The following TBCD variants were observed in gnomAD, a reference collection of about 807,000 sequenced individuals.
TBCD encodes the protein tubulin folding cofactor D, also known as tubulin-specific chaperone D.
A neutral mutation model predicts 169.3 loss-of-function variants in TBCD; 105 were observed. The ratio of observed to expected loss-of-function variants is 0.62; its 90% CI spans 0.53 to 0.73. The LOEUF (loss-of-function observed/expected upper bound fraction) is 0.73. TBCD is among the 30% of genes least tolerant of loss of function. The pLI is 0.00. For synonymous variants in TBCD, 700 were observed against 643.9 expected, an observed-to-expected ratio of 1.09 and a Z score of -1.32; for missense variants, 1,444 against 1,600.1, an observed-to-expected ratio of 0.90 and a Z score of 1.66.
chr17:82,863,339 C>T lies in TBCD; in HGVS notation c.1319-6885C>T, dbSNP rs1294061903. 3.3e-5 allele frequency among the ~76,000 whole-genome samples: 5 copies of T among 152,174 alleles called. No homozygotes were observed. In the East Asian group the frequency reaches 9.6e-4, roughly 29 times the overall value. ...CTTTAGGTGCTGTGGCTTCGCAGAC[C>T]CGGACGCAGCGTGGAGGCCAAGCGG... On this transcript the variant is annotated intron_variant, in intron 13 of 38. Transcript: ENST00000355528.
At chr17:82,872,897 TTCTGAGCCAGGCCCGGCACCTCGTGGCC>T in intron 14 of TBCD, among the ~76,000 whole-genome samples, 2 of 118,534 alleles carry the variant, frequency 1.7e-5, no homozygotes, top group Non-Finnish European at 3.6e-5. Flanking sequence ...GGCCGACGGC[TTCTGAGCCAGGCCCGGCACCTCGTGGCC>T]GACGGCTTCT....
rs1451766562 is a variant in TBCD at position 82,849,916 on chromosome 17, TTGTTGGCTGTTTTGC to T, written c.1319-20297_1319-20283del. ...GGCTGTGCTGTTGTTGGCTGTGCTG[TTGTTGGCTGTTTTGC>T]TGTTGGCTGTGCTGTTGTTGCCTGT... On this transcript the variant is annotated intron_variant, in intron 13 of 38. Transcript: ENST00000355528. 1.4e-3 allele frequency among the ~76,000 whole-genome samples: 200 copies of T among 146,114 alleles called. 1 individual carries two copies. Among genetic ancestry groups the T allele is most frequent in the African/African-American group, 4.9e-3 (192 of 39,020 alleles).
intron 37 of TBCD, among the ~76,000 whole-genome samples, chr17:82,940,130 C>T (rs952814581): frequency 2.6e-5 from 4 of 151,964 alleles, no homozygotes; most frequent in Admixed American, 6.5e-5. Flanking sequence ...CTGGGCCAAC[C>T]GGTATGTTCC....
At chr17:82,842,685 C>G (rs1018721382) in intron 13 of TBCD, among the ~76,000 whole-genome samples, 3 of 152,044 alleles carry the variant, frequency 2.0e-5, no homozygotes, top group Non-Finnish European at 4.4e-5. Context: ...TTTATCTACT[C>G]TTCAACCTCA....
At position 82,849,975 on chromosome 17, in the gene TBCD, GC is replaced by G. The variant is rs1567886732; in HGVS notation, c.1319-20248del. Among the ~76,000 whole-genome samples, 111 of 150,604 alleles carry G rather than the reference GC, an allele frequency of 7.4e-4. 8 individuals are homozygous for G. The highest frequency in any genetic ancestry group is 2.5e-3 in the African/African-American group (100 of 40,586). The stretch of plus-strand genomic sequence containing the variant: ...TGCCTGTGCTGCTGTTGGCTGTGCT[GC>G]TGTTGGCTGTGCTGCTGTTGGCTGT... On this transcript the variant is annotated intron_variant, in intron 13 of 38. Coordinates refer to ENST00000355528, the MANE Select transcript of TBCD (RefSeq NM_005993.5).
chr17:82,868,953 G>A (rs1043508682), intron 13 of TBCD, among the ~76,000 whole-genome samples: 43 of 150,814 alleles, frequency 2.9e-4, no homozygotes, highest in African/African-American at 7.3e-4. Context: ...TGCGTGGAGC[G>A]GGTCGTGTGC....
intron 6 of TBCD, among the ~76,000 whole-genome samples, chr17:82,776,400 C>A (rs2048601937): frequency 6.6e-6 from 1 of 152,060 alleles, no homozygotes; most frequent in African/African-American, 2.4e-5. Context: ...CAGAGCAAGA[C>A]CCTGTCTCAA....
chr17:82,810,212 T>A (rs1173556353), intron 12 of TBCD, among the ~76,000 whole-genome samples: 1 of 152,184 alleles, frequency 6.6e-6, no homozygotes, highest in East Asian at 1.9e-4. Flanking sequence ...AATGTGAGGC[T>A]TTGGGAGGCC....
chr17:82,768,240 C>T (rs1568104495), intron 4 of TBCD, among the ~76,000 whole-genome samples, 180 bp from the exon 5 acceptor site: 2 of 151,724 alleles, frequency 1.3e-5, no homozygotes, highest in Non-Finnish European at 1.5e-5. Flanking sequence ...GTGGGGATTC[C>T]GGGGGGGATG....
chr17:82,809,870 C>A, intron 12 of TBCD, 88 bp downstream of exon 12: 2 of 1,253,402 alleles, frequency 1.6e-6, no homozygotes, highest in African/African-American at 1.5e-5. Context: ...GCTTGCTTTT[C>A]ATTGAGCTGT....
At position 82,832,116 on chromosome 17, in the gene TBCD, T is replaced by G; in HGVS notation, c.1318+17182T>G. 3 of 1,614,192 alleles carry G rather than the reference T, an allele frequency of 1.9e-6. No homozygotes were observed. Among genetic ancestry groups the G allele is most frequent in the Non-Finnish European group, 2.5e-6 (3 of 1,180,022 alleles). On this transcript the variant is annotated intron_variant, in intron 13 of 38. Coordinates refer to ENST00000355528, the MANE Select transcript of TBCD (RefSeq NM_005993.5). The surrounding 1 kb of genome is among the most constrained non-coding windows in gnomAD (Gnocchi z 4.9). The stretch of plus-strand genomic sequence containing the variant: ...TTCCCCGGGCTTGCAGCTCCAGGTT[T>G]TCCTTGATGTCTTCCCTGGCAGAGC...
intron 6 of TBCD, among the ~76,000 whole-genome samples, chr17:82,778,455 T>C (rs1241740583): frequency 1.3e-5 from 2 of 152,108 alleles, no homozygotes; most frequent in Non-Finnish European, 2.9e-5. Flanking sequence ...CATGAGTTTC[T>C]TTTTTCTTTC....
In TBCD at chr17:82,782,459, G is replaced by A. The variant is rs1350786817; in HGVS notation, c.771+738G>A. On this transcript the variant is annotated intron_variant, in intron 7 of 38. Transcript: ENST00000355528. The surrounding 1 kb of genome is among the most constrained non-coding windows in gnomAD (Gnocchi z 5.1). ...AGAGCACTTCTCATCCTTGTCTCACGCTGTGGAGCCTGTGGTCCCTCTGAG... is the reference window on the plus strand; with the variant it reads ...AGAGCACTTCTCATCCTTGTCTCACACTGTGGAGCCTGTGGTCCCTCTGAG... Among the ~76,000 whole-genome samples, 74 of 152,142 alleles carry A rather than the reference G, an allele frequency of 4.9e-4. No homozygotes were observed. Among genetic ancestry groups the A allele is most frequent in the Admixed American group, 4.7e-3 (72 of 15,284 alleles).
chr17:82,771,424 T>G (rs1423715412), intron 5 of TBCD, among the ~76,000 whole-genome samples: 1 of 140,244 alleles, frequency 7.1e-6, no homozygotes, highest in Non-Finnish European at 1.5e-5. Context: ...CTGCAGTGAG[T>G]TTTTTTTTTT....
intron 13 of TBCD, among the ~76,000 whole-genome samples, chr17:82,849,328 G>A (rs116281924): frequency 0.011 from 1,440 of 132,998 alleles, 33 homozygotes; most frequent in African/African-American, 0.037. Context: ...CTGCTGCGTC[G>A]GGGCTGCCTA....
chr17:82,892,503 G>A (rs560048869), intron 16 of TBCD, among the ~76,000 whole-genome samples: 4 of 152,156 alleles, frequency 2.6e-5, no homozygotes, highest in South Asian at 2.1e-4. Flanking sequence ...GAAGAAAGCC[G>A]CATGGTACCT....
chr17:82,812,466 G>GC (rs1372214757), intron 12 of TBCD, among the ~76,000 whole-genome samples: 2 of 151,988 alleles, frequency 1.3e-5, no homozygotes, highest in African/African-American at 2.4e-5. Flanking sequence ...AGACCCCAGA[G>GC]CCCCCCCGCA....
At chr17:82,810,268 G>A (rs539622930) in intron 12 of TBCD, among the ~76,000 whole-genome samples, 1 of 152,332 alleles carries the variant, frequency 6.6e-6, no homozygotes, top group South Asian at 2.1e-4. Flanking sequence ...ACCAGCCTGG[G>A]CAACGAAGCG....
chr17:82,830,914 C>T (rs200015897), intron 13 of TBCD: 91 of 1,613,022 alleles, frequency 5.6e-5, no homozygotes, highest in Middle Eastern at 1.6e-4. Context: ...TAGGAGCTTG[C>T]TTAGAAAAGC....
Sources: allele counts gnomAD v4.1 joint callset (sites outside exome capture counted in the v4.1 genomes callset), GRCh38; gene constraint gnomAD v4.1.1; non-coding constraint Gnocchi (gnomAD v3.1); transcripts MANE v1.5; gene names NCBI Gene and HGNC (gene_info 2026-07-23, HGNC 2026-07-21).